The following ARHGAP39 variants were observed in gnomAD, a reference collection of about 807,000 sequenced individuals.
ARHGAP39 encodes the protein rho GTPase-activating protein 39.
Under a neutral mutation model 106.9 loss-of-function variants are expected in ARHGAP39, and 44 were observed. That is an observed-to-expected ratio of 0.41 (90% CI 0.32 to 0.53). ARHGAP39 has a LOEUF of 0.53. ARHGAP39 is among the 20% of genes least tolerant of loss of function. ARHGAP39 has a pLI of 0.21. For missense variants in ARHGAP39, 1,496 were observed against 1,577.3 expected (o/e 0.95, Z 0.87); for synonymous variants, 768 against 693.2 (o/e 1.11, Z -1.69).
At chr8:144,660,724 A>C (rs2129682831) in intron 1 of ARHGAP39, among the ~76,000 whole-genome samples, 1 of 152,260 alleles carries the variant, frequency 6.6e-6, no homozygotes, top group Admixed American at 6.5e-5. Flanking sequence ...TCACCCCTAT[A>C]ATCCCAGCAC....
intron 2 of ARHGAP39, among the ~76,000 whole-genome samples, chr8:144,595,061 T>A (rs533003090): frequency 2.3e-4 from 35 of 152,228 alleles, no homozygotes; most frequent in Admixed American, 5.2e-4. Context: ...CCCACAGAGT[T>A]ACCACCTGAC....
At chr8:144,698,950 G>A in the ARHGAP39 span, 3 of 447,180 alleles carry the variant, frequency 6.7e-6, no homozygotes, top group Non-Finnish European at 1.4e-5. Context: ...CCCACGGCCT[G>A]CAACCCCAGT....
chr8:144,540,674 C>T (rs1817152089), intron 6 of ARHGAP39, among the ~76,000 whole-genome samples: 2 of 152,066 alleles, frequency 1.3e-5, no homozygotes, highest in East Asian at 3.9e-4. Context: ...CTTGGTAGTG[C>T]CTGTGGCCCC....
intron 1 of ARHGAP39, among the ~76,000 whole-genome samples, chr8:144,620,426 C>T (rs1157559723): frequency 4.7e-3 from 278 of 59,394 alleles, no homozygotes; most frequent in Admixed American, 7.5e-3. Flanking sequence ...TCCAAGGGAG[C>T]GTGTGTGCCC....
In ARHGAP39 at chr8:144,629,615, T is replaced by C. The variant is rs572266644; in HGVS notation, c.-81-23920A>G. Among the ~76,000 whole-genome samples, 28 of 152,184 alleles carry C rather than the reference T, an allele frequency of 1.8e-4. 1 individual carries two copies. Among genetic ancestry groups the C allele is most frequent in the Middle Eastern group, 3.2e-3 (1 of 316 alleles). On this transcript the variant is annotated intron_variant, in intron 1 of 11. Transcript: ENST00000377307. The stretch of plus-strand genomic sequence containing the variant: ...AGCAAACAGATTCAACCCTGTGAAA[T>C]TGTATTTTTCTTGATCAACAAAAGT...
chr8:144,568,869 G>A (rs188803928), intron 3 of ARHGAP39, among the ~76,000 whole-genome samples: 29 of 147,988 alleles, frequency 2.0e-4, no homozygotes, highest in Admixed American at 3.3e-4. Flanking sequence ...GATTAGTGCA[G>A]AAGGAAAAAA....
At chr8:144,675,964 G>C (rs540059518) in intron 1 of ARHGAP39, among the ~76,000 whole-genome samples, 2 of 151,790 alleles carry the variant, frequency 1.3e-5, no homozygotes, top group Non-Finnish European at 2.9e-5. Context: ...CCTTCCTCCC[G>C]TCAGGAGTTG....
intron 6 of ARHGAP39, among the ~76,000 whole-genome samples, chr8:144,539,519 G>A (rs949023977): frequency 1.3e-5 from 2 of 152,208 alleles, no homozygotes; most frequent in Admixed American, 1.3e-4. Flanking sequence ...TTTTGTTCCA[G>A]AAGTTTTATA....
Position 144,605,648 on chromosome 8 carries a change from T to C in ARHGAP39, c.-34A>G. The C allele has an allele frequency of 6.2e-7, 1 of 1,606,410 alleles. No individual in the cohort carries two copies. The highest frequency in any genetic ancestry group is 1.1e-5 in the South Asian group (1 of 90,976). ...GCTTCCGCGCCCACGTGGACAGACG[T>C]CAGGGCACCATACGCACAACGCCAG... On this transcript the variant is annotated 5_prime_UTR_variant, in exon 2 of 12. It removes the in-frame stop codon of an upstream open reading frame in the 5' UTR. Coordinates refer to ENST00000377307, the MANE Select transcript of ARHGAP39 (RefSeq NM_025251.3).
chr8:144,664,465 C>A (rs779387040), intron 1 of ARHGAP39, among the ~76,000 whole-genome samples: 1 of 152,244 alleles, frequency 6.6e-6, no homozygotes, highest in Non-Finnish European at 1.5e-5. Context: ...CAGCACCTGG[C>A]TGCTAGCCCC....
chr8:144,583,389 T>C (rs1470447903), intron 2 of ARHGAP39, among the ~76,000 whole-genome samples: 1 of 152,230 alleles, frequency 6.6e-6, no homozygotes, highest in Admixed American at 6.5e-5. Context: ...GGCGCACGCA[T>C]TGTGGGGTGA....
chr8:144,620,801 T>C (rs775690238), intron 1 of ARHGAP39, among the ~76,000 whole-genome samples: 1 of 152,230 alleles, frequency 6.6e-6, no homozygotes, highest in Non-Finnish European at 1.5e-5. Flanking sequence ...TGTGAGAAGA[T>C]GCTGGGACAG....
intron 1 of ARHGAP39, among the ~76,000 whole-genome samples, chr8:144,637,715 T>C (rs1403812519): frequency 1.3e-5 from 2 of 152,212 alleles, no homozygotes; most frequent in East Asian, 3.8e-4. Context: ...CTCTCTCTTT[T>C]TTTTTTAGAC....
At chr8:144,601,052 A>G (rs1586599056) in intron 2 of ARHGAP39, among the ~76,000 whole-genome samples, 1 of 106,042 alleles carries the variant, frequency 9.4e-6, no homozygotes, top group African/African-American at 3.8e-5. Flanking sequence ...GTGCACATGG[A>G]GGCGTGCGTG....
chr8:144,579,468 G>A (rs1177379000), intron 3 of ARHGAP39, among the ~76,000 whole-genome samples: 1 of 151,976 alleles, frequency 6.6e-6, no homozygotes, highest in East Asian at 1.9e-4. Context: ...CCGAGCCTCC[G>A]CTGCTCACCC....
Position 144,591,186 on chromosome 8 carries a change from C to T in ARHGAP39, c.81-9909G>A. On this transcript the variant is annotated intron_variant, in intron 2 of 11. Coordinates refer to ENST00000377307, the MANE Select transcript of ARHGAP39 (RefSeq NM_025251.3). This position sits in a 1 kb window ranked among gnomAD's most constrained non-coding sequence, Gnocchi z 5.3. ...GTCCCCCAGCAGGTGCCTTCCCTGT[C>T]CATACACCTCCTCTCCCCAGCCGGA... 6.6e-6 allele frequency among the ~76,000 whole-genome samples: 1 copy of T among 152,174 alleles called. No homozygotes were observed.
chr8:144,676,061 C>T (rs1418678783), intron 1 of ARHGAP39, among the ~76,000 whole-genome samples: 1 of 152,166 alleles, frequency 6.6e-6, no homozygotes, highest in Non-Finnish European at 1.5e-5. Flanking sequence ...CTCATAAAGG[C>T]GGCGCGGACC....
chr8:144,652,563 A>G (rs189686397), intron 1 of ARHGAP39, among the ~76,000 whole-genome samples: 72 of 152,372 alleles, frequency 4.7e-4, no homozygotes, highest in African/African-American at 1.5e-3. Context: ...TAAACACCAT[A>G]GAATACTATG....
Position 144,532,401 on chromosome 8 carries a change from A to G in ARHGAP39, c.2889-5T>C. 6.2e-7 allele frequency: 1 copy of G among 1,611,082 alleles called. No homozygotes were observed. Among genetic ancestry groups the G allele is most frequent in the Non-Finnish European group, 8.5e-7 (1 of 1,178,832 alleles). On this transcript the variant is annotated splice_polypyrimidine_tract_variant and splice_region_variant and intron_variant, in intron 9 of 11. Transcript: ENST00000377307. ...TCGTCAATGTCCCCAGGGACCCTGC[A>G]GGGCACAGGGCAGGTCTCAGGCAAC...
Sources: gnomAD v4.1 joint callset for allele counts (sites outside exome capture counted in the v4.1 genomes callset) on GRCh38, gnomAD v4.1.1 for gene constraint, Gnocchi (gnomAD v3.1) non-coding constraint, MANE v1.5 for transcripts, NCBI Gene and HGNC (gene_info 2026-07-23, HGNC 2026-07-21) for gene names.